The following IFT56 variants were observed in gnomAD, a reference collection of about 807,000 sequenced individuals.
IFT56 encodes the protein intraflagellar transport protein 56.
At chr7:139,161,887 G>A in the IFT56 span, among the ~76,000 whole-genome samples, 1 of 151,998 alleles carries the variant, frequency 6.6e-6, no homozygotes, top group South Asian at 2.1e-4. Flanking sequence ...TTCAAATTTA[G>A]TTTCTAAATT....
the IFT56 span, among the ~76,000 whole-genome samples, chr7:139,181,893 T>G: frequency 6.6e-6 from 1 of 152,098 alleles, no homozygotes; most frequent in Non-Finnish European, 1.5e-5. Flanking sequence ...CAAAATACGG[T>G]TATGAAGTAC....
the IFT56 span, chr7:139,191,613 C>T: frequency 6.6e-6 from 1 of 152,260 alleles, no homozygotes; most frequent in African/African-American, 2.4e-5. Flanking sequence ...CCAAAAATGG[C>T]AGAAATCTAA....
At chr7:139,142,337 T>C in the IFT56 span, 2 of 1,573,030 alleles carry the variant, frequency 1.3e-6, no homozygotes, top group African/African-American at 1.4e-5. Context: ...ATTTTTTTGT[T>C]TTAAAAATAT....
chr7:139,165,931 A>G, the IFT56 span, among the ~76,000 whole-genome samples: 3 of 152,100 alleles, frequency 2.0e-5, no homozygotes, highest in Non-Finnish European at 4.4e-5. Flanking sequence ...ACTTGCAAAC[A>G]GTCCTACTTT....
At chr7:139,183,920 C>CA in the IFT56 span, among the ~76,000 whole-genome samples, 2 of 152,310 alleles carry the variant, frequency 1.3e-5, no homozygotes, top group African/African-American at 4.8e-5. Context: ...ATGGGTTTGG[C>CA]ATGGAATACT....
chr7:139,152,349 A>G, the IFT56 span, among the ~76,000 whole-genome samples: 1 of 152,132 alleles, frequency 6.6e-6, no homozygotes, highest in Non-Finnish European at 1.5e-5. Flanking sequence ...CTGGTCTCAA[A>G]CTTCTGGCTT....
chr7:139,173,731 G>A, the IFT56 span: 8 of 768,766 alleles, frequency 1.0e-5, no homozygotes, highest in Admixed American at 3.4e-5. Context: ...AGGCTGCATT[G>A]AGAGCAAAAT....
chr7:139,148,434 T>A, the IFT56 span: 1 of 1,494,874 alleles, frequency 6.7e-7, no homozygotes, highest in South Asian at 1.2e-5. Flanking sequence ...TACTTTATAC[T>A]TTCCAAGTTA....
chr7:139,181,266 T>A, the IFT56 span: 1 of 1,209,762 alleles, frequency 8.3e-7, no homozygotes, highest in Non-Finnish European at 1.2e-6. Context: ...GGCTAAATAT[T>A]AGGGGAAAAT....
the IFT56 span, chr7:139,173,324 T>G: frequency 2.2e-6 from 1 of 451,364 alleles, no homozygotes; most frequent in Non-Finnish European, 3.9e-6. Flanking sequence ...GCCTCCTGGG[T>G]TCAAGCGATT....
At chr7:139,135,808 A>G in the IFT56 span, among the ~76,000 whole-genome samples, 4 of 152,128 alleles carry the variant, frequency 2.6e-5, no homozygotes, top group Non-Finnish European at 5.9e-5. Flanking sequence ...TACCACACTC[A>G]TTTCTCTTAA....
the IFT56 span, among the ~76,000 whole-genome samples, chr7:139,170,586 A>T: frequency 6.6e-6 from 1 of 152,256 alleles, no homozygotes; most frequent in African/African-American, 2.4e-5. Flanking sequence ...TATCAGCAGA[A>T]TGAAGGGCAA....
At chr7:139,188,459 C>A in the IFT56 span, among the ~76,000 whole-genome samples, 1 of 152,234 alleles carries the variant, frequency 6.6e-6, no homozygotes, top group East Asian at 1.9e-4. Flanking sequence ...CTAAAAATAA[C>A]TTCATGGAAT....
chr7:139,158,842 G>C, the IFT56 span, among the ~76,000 whole-genome samples: 2 of 151,682 alleles, frequency 1.3e-5, no homozygotes, highest in African/African-American at 4.8e-5. Context: ...TGAGCCTGGG[G>C]GACAGGGGTT....
chr7:139,158,982 C>T, the IFT56 span, among the ~76,000 whole-genome samples: 1 of 152,170 alleles, frequency 6.6e-6, no homozygotes, highest in African/African-American at 2.4e-5. Context: ...GTTCATTCTT[C>T]TCTTTACATA....
At chr7:139,172,556 C>G in the IFT56 span, 1 of 539,652 alleles carries the variant, frequency 1.9e-6, no homozygotes, top group Non-Finnish European at 3.7e-6. Flanking sequence ...ATGCACCTCA[C>G]AGGCAGCGAC....
At chr7:139,154,455 T>C in the IFT56 span, among the ~76,000 whole-genome samples, 1 of 152,030 alleles carries the variant, frequency 6.6e-6, no homozygotes, top group Admixed American at 6.6e-5. Flanking sequence ...TGTTTTCCAC[T>C]AAGAGTTTTA....
At chr7:139,176,368 TAAAG>T in the IFT56 span, among the ~76,000 whole-genome samples, 2 of 151,992 alleles carry the variant, frequency 1.3e-5, no homozygotes, top group African/African-American at 4.8e-5. Context: ...TTAAAAAAAA[TAAAG>T]TAGATTAATA....
At chr7:139,149,844 A>C in the IFT56 span, among the ~76,000 whole-genome samples, 5 of 152,188 alleles carry the variant, frequency 3.3e-5, no homozygotes, top group Non-Finnish European at 5.9e-5. Flanking sequence ...TTTAAATAAC[A>C]CATAACTTTA....
Sources: gnomAD v4.1 joint callset for allele counts (sites outside exome capture counted in the v4.1 genomes callset) on GRCh38, gnomAD v4.1.1 for gene constraint, MANE v1.5 for transcripts, NCBI Gene and HGNC (gene_info 2026-07-23, HGNC 2026-07-21) for gene names.